The following TRAF3 variants were observed in gnomAD, a reference collection of about 807,000 sequenced individuals.
TRAF3 encodes the protein TNF receptor-associated factor 3.
TRAF3 carries 13 observed loss-of-function variants against 62.3 expected under a neutral mutation model. The observed-to-expected ratio is 0.21, with a 90% CI of 0.14 to 0.33. The LOEUF (loss-of-function observed/expected upper bound fraction) is 0.33, where lower values mean the gene tolerates loss of function less well. Among genes scored for constraint, TRAF3 ranks in the 10% least tolerant of loss-of-function variants. The pLI is 1.00. For missense variants in TRAF3, 440 were observed against 741.8 expected (o/e 0.59, Z 4.73); for synonymous variants, 269 against 283.4 (o/e 0.95, Z 0.51).
intron 1 of TRAF3, among the ~76,000 whole-genome samples, chr14:102,806,698 G>T (rs1040242616): frequency 2.0e-5 from 3 of 152,168 alleles, no homozygotes; most frequent in Non-Finnish European, 4.4e-5. Context: ...TGAAGACAGG[G>T]AAGTCCATGT....
intron 1 of TRAF3, among the ~76,000 whole-genome samples, chr14:102,825,130 G>A (rs532847978): frequency 5.3e-5 from 8 of 152,324 alleles, no homozygotes; most frequent in South Asian, 2.1e-4. Context: ...CTCTGCCCAC[G>A]CTGTGAGGAC....
chr14:102,820,459 TG>T (rs1328532221), intron 1 of TRAF3, among the ~76,000 whole-genome samples: 1 of 151,232 alleles, frequency 6.6e-6, no homozygotes, highest in Admixed American at 6.6e-5. Context: ...TACGTTTTTC[TG>T]ACTTTTTAAA....
chr14:102,845,264 G>A (rs1886629539), intron 2 of TRAF3, among the ~76,000 whole-genome samples: 1 of 151,380 alleles, frequency 6.6e-6, no homozygotes, highest in Non-Finnish European at 1.5e-5. Context: ...GTACAGTGGT[G>A]CAATCTTGGC....
intron 1 of TRAF3, among the ~76,000 whole-genome samples, chr14:102,812,751 T>C (rs35673535): frequency 0.52 from 77,402 of 149,984 alleles, 22,465 homozygotes; most frequent in South Asian, 0.74. Flanking sequence ...AACCCTGTCT[T>C]TACTAAAAAT....
intron 10 of TRAF3, among the ~76,000 whole-genome samples, chr14:102,898,874 A>C (rs146912701): frequency 7.4e-4 from 112 of 152,362 alleles, no homozygotes; most frequent in African/African-American, 2.5e-3. Flanking sequence ...GTCAGAAAGA[A>C]AGGGGGAAGC....
At chr14:102,831,671 C>T (rs529367674) in intron 2 of TRAF3, among the ~76,000 whole-genome samples, 4 of 152,250 alleles carry the variant, frequency 2.6e-5, no homozygotes, top group South Asian at 4.1e-4. Flanking sequence ...CCATGGGTCC[C>T]GTTGCCCAGA....
intron 10 of TRAF3, among the ~76,000 whole-genome samples, chr14:102,898,924 C>T (rs1566807109): frequency 1.3e-5 from 2 of 152,184 alleles, no homozygotes; most frequent in African/African-American, 4.8e-5. Context: ...GGAGTGGTGA[C>T]GGCAGCGGTC....
chr14:102,863,522 GC>G (rs1293674134), intron 2 of TRAF3, among the ~76,000 whole-genome samples: 1 of 152,186 alleles, frequency 6.6e-6, no homozygotes, highest in Non-Finnish European at 1.5e-5. Flanking sequence ...AGCATTCGCT[GC>G]CTGCTTGCAC....
At chr14:102,819,337 C>T (rs1433845004) in intron 1 of TRAF3, among the ~76,000 whole-genome samples, 1 of 152,174 alleles carries the variant, frequency 6.6e-6, no homozygotes, top group African/African-American at 2.4e-5. Flanking sequence ...CCGCACCCAC[C>T]ACCAGCCACA....
chr14:102,898,527 T>C (rs1163577622), intron 10 of TRAF3, among the ~76,000 whole-genome samples: 1 of 152,218 alleles, frequency 6.6e-6, no homozygotes. Flanking sequence ...CTGCGCTCCC[T>C]GGCAAGCAGC....
At chr14:102,889,456 C>T (rs934690610) in intron 7 of TRAF3, 104 bp from the exon 8 acceptor site, 20 of 1,191,520 alleles carry the variant, frequency 1.7e-5, no homozygotes, top group Non-Finnish European at 2.1e-5. Flanking sequence ...TAGCGATAAA[C>T]ACCATTCTTA....
chr14:102,831,269 G>T (rs1027795918), intron 2 of TRAF3, among the ~76,000 whole-genome samples: 4 of 152,128 alleles, frequency 2.6e-5, no homozygotes, highest in Non-Finnish European at 5.9e-5. Context: ...TGGGGTACTT[G>T]TTTGCCATCC....
intron 2 of TRAF3, among the ~76,000 whole-genome samples, chr14:102,849,352 G>A (rs978449877): frequency 3.3e-5 from 5 of 152,202 alleles, no homozygotes; most frequent in African/African-American, 1.2e-4. Context: ...CATATCGAGT[G>A]GACTGAGCCC....
chr14:102,813,032 A>G (rs940486395), intron 1 of TRAF3, among the ~76,000 whole-genome samples: 2 of 151,928 alleles, frequency 1.3e-5, no homozygotes, highest in Non-Finnish European at 2.9e-5. Context: ...TTGGAGTGCA[A>G]TGGCACAATC....
chr14:102,911,045 G>C lies in TRAF3; in HGVS notation c.*5261G>C, dbSNP rs759036258. On this transcript the variant is annotated 3_prime_UTR_variant, in exon 12 of 12. Coordinates refer to ENST00000392745, the MANE Select transcript of TRAF3 (RefSeq NM_145725.3). ...CAGCCTCTTCTCTGCCGGTGCCTCT[G>C]TTCGGTTCTGTTACCCAAAAACAAA... 6.6e-6 allele frequency: 1 copy of C among 152,212 alleles called. No individual in the cohort carries two copies. Among genetic ancestry groups the C allele is most frequent in the Non-Finnish European group, 1.5e-5 (1 of 68,038 alleles). 9.4% of individuals were successfully genotyped at this position (152,212 alleles called of 1,614,324 possible).
At chr14:102,833,988 C>CGG (rs201790629) in intron 2 of TRAF3, among the ~76,000 whole-genome samples, 38 of 29,762 alleles carry the variant, frequency 1.3e-3, no homozygotes, top group African/African-American at 3.5e-3. Context: ...GACTTTGTCT[C>CGG]GGGGGGAAAA....
chr14:102,905,321 A>G lies in TRAF3; in HGVS notation c.1244A>G (p.Asn415Ser), dbSNP rs757354124. ...CAGGTCCTGGAGACCGCCAGCTACA[A>G]TGGAGTGCTCATCTGGAAGATTCGC... ...RFQVLETASY[N>S]GVLIWKIRDY... Residue 415 changes from asparagine (N) to serine (S), a missense_variant, in exon 12 of 12, where the codon AAT (asparagine) becomes AGT (serine). Physicochemically the swap from Asn to Ser is conservative, Grantham distance 46. Coordinates refer to ENST00000392745, the MANE Select transcript of TRAF3 (RefSeq NM_145725.3). 2 of 1,614,210 alleles carry G rather than the reference A, an allele frequency of 1.2e-6. No homozygotes were observed. The highest frequency in any genetic ancestry group is 2.2e-5 in the East Asian group (1 of 44,882).
At position 102,908,065 on chromosome 14, in the gene TRAF3, A is replaced by G. The variant is rs1890673965; in HGVS notation, c.*2281A>G. On this transcript the variant is annotated 3_prime_UTR_variant, in exon 12 of 12. Transcript: ENST00000392745. The stretch of plus-strand genomic sequence containing the variant: ...ACTTCCCCTTCACAAAATGTATAAT[A>G]TTAGATGAAGGATATGCAACATCTT... 6.6e-6 allele frequency: 1 copy of G among 152,254 alleles called. No homozygotes were observed. Among genetic ancestry groups the G allele is most frequent in the South Asian group, 2.1e-4 (1 of 4,834 alleles). 9.4% of individuals were successfully genotyped at this position (152,254 alleles called of 1,614,324 possible). A position where few individuals can be genotyped will look rare whatever the true frequency, so the allele number is the denominator to read the frequency against.
chr14:102,816,982 T>C (rs570025824), intron 1 of TRAF3, among the ~76,000 whole-genome samples: 5 of 152,278 alleles, frequency 3.3e-5, no homozygotes, highest in African/African-American at 1.2e-4. Context: ...GGATTGGATG[T>C]ATGGCATGTG....
Sources: allele counts gnomAD v4.1 joint callset (sites outside exome capture counted in the v4.1 genomes callset), GRCh38; gene constraint gnomAD v4.1.1; transcripts MANE v1.5; gene names NCBI Gene and HGNC (gene_info 2026-07-23, HGNC 2026-07-21).